The following IL10RB variants were observed in gnomAD, a reference collection of about 807,000 sequenced individuals.
IL10RB encodes the protein interleukin-10 receptor subunit beta.
A neutral mutation model predicts 38.7 loss-of-function variants in IL10RB; 30 were observed. That is an observed-to-expected ratio of 0.78 (90% CI 0.58 to 1.05). The LOEUF is 1.05. Among genes scored for constraint, IL10RB ranks in the 50% least tolerant of loss-of-function variants. The pLI is 0.00. For synonymous variants in IL10RB, 142 were observed against 145.9 expected, an observed-to-expected ratio of 0.97 and a Z score of 0.19; for missense variants, 328 against 397.1, an observed-to-expected ratio of 0.83 and a Z score of 1.48.
At chr21:33,306,729 G>A (rs916756868) in intron 1 of IL10RB, among the ~76,000 whole-genome samples, 2 of 151,988 alleles carry the variant, frequency 1.3e-5, no homozygotes, top group African/African-American at 4.8e-5. Context: ...TAGAGATGGG[G>A]TCTCACTTTG....
chr21:33,300,677 G>A (rs1272335429), downstream of IL10RB, among the ~76,000 whole-genome samples: 1 of 152,214 alleles, frequency 6.6e-6, no homozygotes, highest in Non-Finnish European at 1.5e-5. Context: ...TCTTTAGGAG[G>A]TGGTGAATGG....
rs774265304 is a variant in IL10RB, at chr21:33,268,515, A to G, written c.171A>G (p.Leu57=). 3 of 1,609,590 alleles carry G rather than the reference A, an allele frequency of 1.9e-6. No homozygotes were observed. Among genetic ancestry groups the G allele is most frequent in the East Asian group, 4.5e-5 (2 of 44,870 alleles). ...ACCTGACTTTCACAGCTCAGTACCT[A>G]AGGTGGGTCTGGCCTCACTATTGGC... ...KGNLTFTAQY[L]SYRIFQDKCM... is the part of the protein sequence containing the mutation. Residue 57 remains leucine, a splice_region_variant and synonymous_variant, in exon 2 of 7, where the codon CTA becomes CTG. Transcript: ENST00000290200.
chr21:33,290,007 G>C (rs8178535), intron 6 of IL10RB, among the ~76,000 whole-genome samples: 1 of 152,062 alleles, frequency 6.6e-6, no homozygotes, highest in Admixed American at 6.5e-5. Flanking sequence ...CCAGCTCCTC[G>C]GGAGGCTGAG....
chr21:33,285,432 A>G (rs1054298274), intron 5 of IL10RB, among the ~76,000 whole-genome samples: 2 of 152,208 alleles, frequency 1.3e-5, no homozygotes, highest in Non-Finnish European at 2.9e-5. Context: ...GGTCAGATGA[A>G]TCTGAAACAA....
chr21:33,293,806 CA>C (rs5843595), intron 6 of IL10RB, among the ~76,000 whole-genome samples: 85 of 145,766 alleles, frequency 5.8e-4, no homozygotes, highest in East Asian at 1.8e-3. Flanking sequence ...GACTCGATCT[CA>C]AAAAAAAAAA....
At chr21:33,284,632 CG>C (rs1488060627) in intron 5 of IL10RB, among the ~76,000 whole-genome samples, 1 of 152,136 alleles carries the variant, frequency 6.6e-6, no homozygotes, top group Non-Finnish European at 1.5e-5. Flanking sequence ...TGGGAGGTGA[CG>C]GGATCATGGG....
At chr21:33,294,390 C>CGTGTGTGTGT (rs34889428) in intron 6 of IL10RB, among the ~76,000 whole-genome samples, 3 of 148,892 alleles carry the variant, frequency 2.0e-5, no homozygotes, top group Admixed American at 6.7e-5. Flanking sequence ...TGTGTGTGTG[C>CGTGTGTGTGT]GTGTGTGTGT....
At chr21:33,299,711 G>A (rs548132966), downstream of IL10RB, among the ~76,000 whole-genome samples, 3 of 152,314 alleles carry the variant, frequency 2.0e-5, no homozygotes, top group East Asian at 5.8e-4. Context: ...CATGACCAAT[G>A]AATTTCAGCT....
chr21:33,295,651 G>A lies in IL10RB; in HGVS notation c.805-533G>A, dbSNP rs1351925087. 3.9e-5 allele frequency among the ~76,000 whole-genome samples: 5 copies of A among 128,264 alleles called. No homozygotes were observed. In the South Asian group the frequency reaches 1.1e-3, roughly 27 times the overall value. 84.1% of individuals were successfully genotyped at this position (128,264 alleles called of 152,430 possible). ...TGTGCCACTGCACTCCAGCCCAGAC[G>A]ACAGAGCGAGACTCCATCTCAAAAA... On this transcript the variant is annotated intron_variant, in intron 6 of 6. Transcript: ENST00000290200.
intron 6 of IL10RB, among the ~76,000 whole-genome samples, chr21:33,293,618 C>T (rs1475680378): frequency 3.3e-5 from 5 of 152,086 alleles, no homozygotes; most frequent in African/African-American, 1.2e-4. Flanking sequence ...GTCTGAAGTT[C>T]GAGACCAGCC....
intron 6 of IL10RB, among the ~76,000 whole-genome samples, chr21:33,290,305 A>T (rs1351928395): frequency 1.3e-5 from 2 of 152,110 alleles, no homozygotes; most frequent in South Asian, 2.1e-4. Flanking sequence ...AAAAAATTTT[A>T]AAATTTATAT....
At chr21:33,271,048 A>ATGACTTCATGAAG (rs1177410619) in intron 2 of IL10RB, among the ~76,000 whole-genome samples, 2 of 152,170 alleles carry the variant, frequency 1.3e-5, no homozygotes, top group African/African-American at 2.4e-5. Flanking sequence ...AGCGATCCCA[A>ATGACTTCATGAAG]TGACTTCATG....
At chr21:33,283,886 G>A (rs1446545579) in intron 5 of IL10RB, among the ~76,000 whole-genome samples, 1 of 152,230 alleles carries the variant, frequency 6.6e-6, no homozygotes, top group African/African-American at 2.4e-5. Flanking sequence ...TGAGGCCCAG[G>A]TGTCTGCATA....
At chr21:33,271,571 A>G (rs1031666399) in intron 2 of IL10RB, among the ~76,000 whole-genome samples, 1 of 152,034 alleles carries the variant, frequency 6.6e-6, no homozygotes, top group African/African-American at 2.4e-5. Flanking sequence ...TTTACTAAAA[A>G]TACAAAATTA....
chr21:33,289,328 C>T (rs759465433), intron 6 of IL10RB, among the ~76,000 whole-genome samples: 10 of 152,206 alleles, frequency 6.6e-5, no homozygotes, highest in African/African-American at 1.2e-4. Flanking sequence ...GAGTTGATCT[C>T]GTTTCCTGGG....
chr21:33,284,524 C>T (rs1373137307), intron 5 of IL10RB, among the ~76,000 whole-genome samples: 2 of 152,156 alleles, frequency 1.3e-5, no homozygotes, highest in Admixed American at 1.3e-4. Flanking sequence ...ATTTTACAAA[C>T]TAGAACATGA....
intron 2 of IL10RB, among the ~76,000 whole-genome samples, chr21:33,271,428 A>G (rs1989077736): frequency 6.6e-6 from 1 of 152,150 alleles, no homozygotes; most frequent in Non-Finnish European, 1.5e-5. Flanking sequence ...TGTACATGCA[A>G]TAAAAATAAC....
chr21:33,288,223 T>G lies in IL10RB; in HGVS notation c.766T>G (p.Phe256Val). The G allele has an allele frequency of 6.2e-7, 1 of 1,614,098 alleles. No homozygotes were observed. Among genetic ancestry groups the G allele is most frequent in the Admixed American group, 1.7e-5 (1 of 60,018 alleles). The stretch of plus-strand genomic sequence containing the variant: ...CGTTTACAAGAAGACAAAGTACGCC[T>G]TCTCCCCTAGGAATTCTCTTCCACA... ...WCVYKKTKYA[F>V]SPRNSLPQHL... is the part of the protein sequence containing the mutation. Residue 256 changes from phenylalanine (F) to valine (V), a missense_variant, in exon 6 of 7, where the codon TTC becomes GTC. Transcript: ENST00000290200.
chr21:33,301,291 C>T (rs986395951), downstream of IL10RB, among the ~76,000 whole-genome samples: 3 of 152,160 alleles, frequency 2.0e-5, no homozygotes, highest in African/African-American at 7.2e-5. Flanking sequence ...GTCTCCTGAC[C>T]ACCTCACCAC....
Sources: allele counts gnomAD v4.1 joint callset (sites outside exome capture counted in the v4.1 genomes callset), GRCh38; gene constraint gnomAD v4.1.1; transcripts MANE v1.5; gene names NCBI Gene and HGNC (gene_info 2026-07-23, HGNC 2026-07-21).